Variants in DOCK3 observed in about 807,000 individuals in gnomAD.
The protein encoded by DOCK3 is dedicator of cytokinesis protein 3.
In DOCK3, 60 loss-of-function variants were observed where a neutral mutation model predicts 265.6. That is an observed-to-expected ratio of 0.23 (90% CI 0.18 to 0.28). The LOEUF (loss-of-function observed/expected upper bound fraction) is 0.28. Among genes scored for constraint, DOCK3 ranks in the 10% least tolerant of loss-of-function variants. The probability of loss-of-function intolerance (pLI) is 1.00; values close to 1 mark genes in which losing one functional copy is unlikely to be tolerated. For synonymous variants in DOCK3, 881 were observed against 938.0 expected (o/e 0.94, Z 1.11); for missense variants, 1,981 against 2,594.3 (o/e 0.76, Z 5.14).
chr3:51,130,211 G>A (rs963618283), intron 9 of DOCK3, among the ~76,000 whole-genome samples: 1 of 152,184 alleles, frequency 6.6e-6, no homozygotes, highest in Non-Finnish European at 1.5e-5. Flanking sequence ...TTGCTCACTG[G>A]ATCTAAGCAG....
intron 2 of DOCK3, among the ~76,000 whole-genome samples, chr3:50,835,960 A>G (rs2045483027): frequency 6.6e-6 from 1 of 152,188 alleles, no homozygotes; most frequent in Admixed American, 6.5e-5. Context: ...GCAAAGAGCC[A>G]AGTATCCCCC....
intron 3 of DOCK3, among the ~76,000 whole-genome samples, chr3:50,860,719 A>G: frequency 6.6e-6 from 1 of 152,190 alleles, no homozygotes; most frequent in East Asian, 1.9e-4. Flanking sequence ...TCGCCCAAAC[A>G]GCAAAGATGG....
At chr3:51,025,089 G>T (rs1220100338) in intron 5 of DOCK3, among the ~76,000 whole-genome samples, 1 of 152,112 alleles carries the variant, frequency 6.6e-6, no homozygotes, top group Non-Finnish European at 1.5e-5. Context: ...GTTGCCTAGG[G>T]GAAGTATTCT....
intron 2 of DOCK3, among the ~76,000 whole-genome samples, chr3:50,802,228 A>G (rs1576474303): frequency 6.6e-6 from 1 of 151,938 alleles, no homozygotes; most frequent in East Asian, 1.9e-4. Context: ...CTATTATTTT[A>G]CTGTTTTCTG....
chr3:50,867,265 A>G (rs891676653), intron 3 of DOCK3, among the ~76,000 whole-genome samples: 1 of 152,100 alleles, frequency 6.6e-6, no homozygotes, highest in Non-Finnish European at 1.5e-5. Flanking sequence ...TGATTTTTGT[A>G]TGTTCATTTT....
At chr3:50,828,962 T>A (rs1348895804) in intron 2 of DOCK3, among the ~76,000 whole-genome samples, 1 of 152,190 alleles carries the variant, frequency 6.6e-6, no homozygotes, top group Non-Finnish European at 1.5e-5. Context: ...TCTGTCTGCC[T>A]TGGCCTCCTA....
intron 5 of DOCK3, among the ~76,000 whole-genome samples, chr3:51,012,010 C>T (rs538679359): frequency 3.3e-5 from 5 of 152,110 alleles, no homozygotes; most frequent in Admixed American, 2.6e-4. Context: ...GGTAGAAGGC[C>T]GTGTGAGCTG....
intron 5 of DOCK3, among the ~76,000 whole-genome samples, chr3:50,986,526 T>A (rs1292107461): frequency 1.3e-5 from 2 of 152,216 alleles, no homozygotes; most frequent in Admixed American, 6.5e-5. Context: ...TACAGGATTT[T>A]TTAGGCCCAT....
At chr3:50,991,807 A>G (rs1234125686) in intron 5 of DOCK3, among the ~76,000 whole-genome samples, 2 of 152,196 alleles carry the variant, frequency 1.3e-5, no homozygotes, top group Admixed American at 6.5e-5. Flanking sequence ...TTATCGCCAC[A>G]TGACACATAC....
At chr3:51,233,398 C>T (rs2078221383) in intron 19 of DOCK3, among the ~76,000 whole-genome samples, 1 of 151,308 alleles carries the variant, frequency 6.6e-6, no homozygotes, top group East Asian at 1.9e-4. Flanking sequence ...TGGAGTCTTC[C>T]TCTGTTGCCC....
chr3:50,767,028 A>G (rs2040929107), intron 1 of DOCK3, among the ~76,000 whole-genome samples: 1 of 152,200 alleles, frequency 6.6e-6, no homozygotes, highest in Non-Finnish European at 1.5e-5. Context: ...GCCCTTTGTC[A>G]GATGGGTAGA....
intron 1 of DOCK3, among the ~76,000 whole-genome samples, chr3:50,759,087 G>C (rs2040371048): frequency 6.6e-6 from 1 of 152,086 alleles, no homozygotes; most frequent in African/African-American, 2.4e-5. Flanking sequence ...ACAAATATCT[G>C]TCCTTGTCCC....
chr3:50,764,247 A>G (rs982625727), intron 1 of DOCK3, among the ~76,000 whole-genome samples: 5 of 152,208 alleles, frequency 3.3e-5, no homozygotes, highest in African/African-American at 7.2e-5. Flanking sequence ...AAACAGAAAT[A>G]AATACTACAG....
At chr3:50,944,867 G>T (rs2076386039) in intron 5 of DOCK3, among the ~76,000 whole-genome samples, 1 of 152,190 alleles carries the variant, frequency 6.6e-6, no homozygotes, top group African/African-American at 2.4e-5. Context: ...GGCTGAGGCA[G>T]GAGAATTGCT....
chr3:51,020,772 T>C (rs1368235615), intron 5 of DOCK3, among the ~76,000 whole-genome samples: 1 of 152,084 alleles, frequency 6.6e-6, no homozygotes, highest in African/African-American at 2.4e-5. Context: ...GAAGATCAGA[T>C]AGTTGTAGGT....
intron 41 of DOCK3, among the ~76,000 whole-genome samples, chr3:51,355,817 G>A (rs2086323101): frequency 6.6e-6 from 1 of 152,144 alleles, no homozygotes; most frequent in Non-Finnish European, 1.5e-5. Context: ...TTCTTAAAGG[G>A]GCACCAGAGA....
rs200727148 is a variant in DOCK3, at chr3:51,063,087, TA to T, written c.316-1357del. Among the ~76,000 whole-genome samples, 955 of 152,284 alleles carry T rather than the reference TA, an allele frequency of 6.3e-3. 12 individuals are homozygous for T. The highest frequency in any genetic ancestry group is 0.022 in the African/African-American group (896 of 41,550). ...ATAATTTCTCTTTAAGATGAATCTT[TA>T]AAAGTCTAATGGGGCCAGGTGTGGT... On this transcript the variant is annotated intron_variant, in intron 5 of 52. Transcript: ENST00000266037.
At chr3:50,900,936 T>A in intron 4 of DOCK3, 1 of 430,020 alleles carries the variant, frequency 2.3e-6, no homozygotes, top group Non-Finnish European at 4.6e-6. Flanking sequence ...TGTCTCCTAG[T>A]CAGGAGGCAC....
At position 50,916,074 on chromosome 3, in the gene DOCK3, C is replaced by T. The variant is rs183987214; in HGVS notation, c.219-17907C>T. 1.1e-3 allele frequency among the ~76,000 whole-genome samples: 174 copies of T among 152,130 alleles called. 2 individuals are homozygous for T. The highest frequency in any genetic ancestry group is 8.9e-3 in the Admixed American group (136 of 15,296). On this transcript the variant is annotated intron_variant, in intron 4 of 52. Coordinates refer to ENST00000266037, the MANE Select transcript of DOCK3 (RefSeq NM_004947.5). ...GTTCCACTTCCAAAATGGAGACATG[C>T]GATAGCCATGTGGGCCATAGGGGAT...
Sources: allele counts gnomAD v4.1 joint callset (sites outside exome capture counted in the v4.1 genomes callset), GRCh38; gene constraint gnomAD v4.1.1; transcripts MANE v1.5; gene names NCBI Gene and HGNC (gene_info 2026-07-23, HGNC 2026-07-21).